ADGRF5: variants seen among roughly 807,000 people sequenced by gnomAD.
ADGRF5 encodes G-protein coupled receptor 116.
Under a neutral mutation model 132.3 loss-of-function variants are expected in ADGRF5, and 75 were observed. That is an observed-to-expected ratio of 0.57 (90% CI 0.47 to 0.69). ADGRF5 has a LOEUF of 0.69. Among genes scored for constraint, ADGRF5 ranks in the 30% least tolerant of loss-of-function variants. The pLI, the probability that ADGRF5 is intolerant of heterozygous loss-of-function variation, is 0.00. For missense variants in ADGRF5, 1,516 were observed against 1,630.6 expected (o/e 0.93, Z 1.21); for synonymous variants, 629 against 597.6 (o/e 1.05, Z -0.77).
At position 46,862,987 on chromosome 6, in the gene ADGRF5, A is replaced by G. The variant is rs780203286; in HGVS notation, c.2100T>C (p.Ile700=). Residue 700 remains isoleucine (I), a synonymous_variant, in exon 15 of 21, where the codon ATT becomes ATC. Coordinates refer to ENST00000283296, the MANE Select transcript of ADGRF5 (RefSeq NM_001098518.2). ...CACATTTGTAAGTGATGGTCCCGCC[A>G]ATGGGACTCTCAGGGCTGCTGGGAA... ...SNVPSSPESP[I]GGTITYKCVG... 7 of 1,613,280 alleles carry G rather than the reference A, an allele frequency of 4.3e-6. No homozygotes were observed. Among genetic ancestry groups the G allele is most frequent in the Middle Eastern group, 1.6e-4 (1 of 6,080 alleles).
chr6:46,920,870 T>C (rs1162271797), intron 1 of ADGRF5, among the ~76,000 whole-genome samples: 1 of 151,812 alleles, frequency 6.6e-6, no homozygotes, highest in East Asian at 1.9e-4. Context: ...CTCAAAAAAA[T>C]AAAAATAAAA....
At chr6:46,909,122 T>C (rs1775682930) in intron 1 of ADGRF5, 1 of 151,766 alleles carries the variant, frequency 6.6e-6, no homozygotes, top group African/African-American at 2.4e-5. Flanking sequence ...ACTTGGCCAA[T>C]GTGGGGGAAA....
At chr6:46,910,802 C>T (rs1032344170) in intron 1 of ADGRF5, among the ~76,000 whole-genome samples, 9 of 152,162 alleles carry the variant, frequency 5.9e-5, no homozygotes, top group African/African-American at 9.7e-5. Flanking sequence ...CACTAATTAG[C>T]TGTGTGATGT....
chr6:46,943,274 A>T (rs975996601), intron 1 of ADGRF5, among the ~76,000 whole-genome samples: 5 of 152,208 alleles, frequency 3.3e-5, no homozygotes, highest in African/African-American at 7.2e-5. Flanking sequence ...CTGAGGTTCG[A>T]TCTACAGTCA....
Position 46,884,160 on chromosome 6 carries a change from G to C in ADGRF5, c.440C>G (p.Pro147Arg), listed in dbSNP as rs1405255660. The C allele has an allele frequency of 6.2e-7, 1 of 1,614,096 alleles. No individual in the cohort carries two copies. The highest frequency in any genetic ancestry group is 1.1e-5 in the South Asian group (1 of 91,084). Residue 147 changes from proline to arginine, a missense_variant, in exon 5 of 21, where the codon CCA becomes CGA. Around this residue, in one of 2 missense-constraint regions of ADGRF5, gnomAD observed 945 missense variants for 929.4 expected, o/e 1.02. Coordinates refer to ENST00000283296, the MANE Select transcript of ADGRF5 (RefSeq NM_001098518.2). ...TTTAAGGCAACTGCAATGGTGCCCT[G>C]GGAGGAAGACGTCACGCTCTTGACA... ...LICQERDVFL[P>R]GHHCSCLKEL...
chr6:46,863,738 T>G (rs778647461), intron 14 of ADGRF5, among the ~76,000 whole-genome samples: 10 of 152,184 alleles, frequency 6.6e-5, no homozygotes, highest in Admixed American at 3.3e-4. Context: ...TCTTTAACAT[T>G]AAGATCTTAA....
At position 46,858,377 on chromosome 6, in the gene ADGRF5, C is replaced by T. The variant is rs573068708; in HGVS notation, c.3526G>A (p.Ala1176Thr). 29 of 1,613,940 alleles carry T rather than the reference C, an allele frequency of 1.8e-5. 1 individual carries two copies. Among genetic ancestry groups the T allele is most frequent in the Middle Eastern group, 1.7e-4 (1 of 6,058 alleles). ...ACCACAATGATCAGTGCTGGGATGG[C>T]GAAAGCCAGCAGGGCCTTGGTGTCC... ...WEDTKALLAF[A>T]IPALIIVVVN... is the part of the protein sequence containing the mutation. Residue 1176 changes from alanine to threonine, a missense_variant, in exon 17 of 21, where the codon GCC becomes ACC. Around this residue, in one of 2 missense-constraint regions of ADGRF5, gnomAD observed 571 missense variants for 701.2 expected, o/e 0.81. Transcript: ENST00000283296.
intron 1 of ADGRF5, 80 bp from the exon 2 acceptor site, chr6:46,906,866 A>G (rs2150897710): frequency 1.4e-6 from 1 of 727,260 alleles, no homozygotes; most frequent in Non-Finnish European, 2.5e-6. Flanking sequence ...GCCCTGTCTT[A>G]AAGGTCATCC....
chr6:46,902,175 C>G (rs1394977774), intron 2 of ADGRF5, among the ~76,000 whole-genome samples: 3 of 152,238 alleles, frequency 2.0e-5, no homozygotes, highest in African/African-American at 7.2e-5. Flanking sequence ...CCCAGCTTCC[C>G]TTGGAGAATG....
At chr6:46,882,591 T>C (rs1223967323) in intron 6 of ADGRF5, among the ~76,000 whole-genome samples, 1 of 152,194 alleles carries the variant, frequency 6.6e-6, no homozygotes, top group Admixed American at 6.5e-5. Flanking sequence ...TTACATGACC[T>C]GTAGTTGGAG....
At chr6:46,906,068 A>C (rs1364144860) in intron 2 of ADGRF5, among the ~76,000 whole-genome samples, 2 of 152,216 alleles carry the variant, frequency 1.3e-5, no homozygotes, top group African/African-American at 2.4e-5. Context: ...CCCATAAGGA[A>C]TAAGGGGGTA....
intron 10 of ADGRF5, among the ~76,000 whole-genome samples, chr6:46,874,171 C>T (rs958048982): frequency 5.8e-4 from 88 of 152,196 alleles, no homozygotes; most frequent in Non-Finnish European, 1.5e-5. Flanking sequence ...AGTAAAATCC[C>T]TCTTAGCCTG....
chr6:46,931,978 C>G (rs1777576882), intron 1 of ADGRF5, among the ~76,000 whole-genome samples: 1 of 152,100 alleles, frequency 6.6e-6, no homozygotes, highest in Non-Finnish European at 1.5e-5. Context: ...TTGCCATAAA[C>G]CTCTTTGTAC....
intron 10 of ADGRF5, among the ~76,000 whole-genome samples, chr6:46,874,262 C>T (rs1187667723): frequency 6.6e-6 from 1 of 152,142 alleles, no homozygotes; most frequent in Non-Finnish European, 1.5e-5. Context: ...AAAATTAGAT[C>T]ATCTCCTGGG....
chr6:46,913,933 ACAGC>A (rs1320456416), intron 1 of ADGRF5, among the ~76,000 whole-genome samples: 2 of 152,276 alleles, frequency 1.3e-5, no homozygotes, highest in African/African-American at 4.8e-5. Flanking sequence ...ACCTTTGAAA[ACAGC>A]CAACGGCATA....
chr6:46,879,937 T>C lies in ADGRF5; in HGVS notation c.917A>G (p.Tyr306Cys), dbSNP rs1204617443. 1.2e-6 allele frequency: 2 copies of C among 1,613,976 alleles called. No individual in the cohort carries two copies. The highest frequency in any genetic ancestry group is 1.7e-6 in the Non-Finnish European group (2 of 1,179,852). The change falls in exon 9 of 21, where the codon TAT (tyrosine) becomes TGT (cysteine). Residue 306 changes from tyrosine to cysteine, a missense_variant. Around this residue, in one of 2 missense-constraint regions of ADGRF5, gnomAD observed 945 missense variants for 929.4 expected, o/e 1.02. Coordinates refer to ENST00000283296, the MANE Select transcript of ADGRF5 (RefSeq NM_001098518.2). ...EVLSSNVSWR[Y>C]EEQQLEIQNS... is the part of the protein sequence containing the mutation. ...CTGGATTTCCAACTGCTGTTCTTCA[T>C]AGCGCCAAGACACATTGGAGGACAA...
At chr6:46,893,852 C>T (rs983229664) in intron 3 of ADGRF5, among the ~76,000 whole-genome samples, 3 of 152,202 alleles carry the variant, frequency 2.0e-5, no homozygotes, top group Admixed American at 1.3e-4. Flanking sequence ...TTTCCCCTCT[C>T]CTTTCCCATA....
rs192240676 is a variant in ADGRF5, at chr6:46,889,213, T to G, written c.158-708A>C. On this transcript the variant is annotated intron_variant, in intron 3 of 20. Coordinates refer to ENST00000283296, the MANE Select transcript of ADGRF5 (RefSeq NM_001098518.2). ...TATATATATATATATATAAAATATA[T>G]AGAGAGAGTATATATAGTATATACA... 2.6e-3 allele frequency among the ~76,000 whole-genome samples: 380 copies of G among 146,542 alleles called. 4 individuals are homozygous for G. Among genetic ancestry groups the G allele is most frequent in the African/African-American group, 8.0e-3 (321 of 40,230 alleles).
rs372969208 is a variant in ADGRF5, at chr6:46,928,777, C to A, written c.-24-21991G>T. On this transcript the variant is annotated intron_variant, in intron 1 of 20. Coordinates refer to the ADGRF5 transcript ENST00000265417. ...CACTGGCCATCAGAGAAATGCAAAT[C>A]AAAACCACAATGAGATACCATCTCA... Among the ~76,000 whole-genome samples, 486 of 152,218 alleles carry A rather than the reference C, an allele frequency of 3.2e-3. 3 individuals carry two copies. The highest frequency in any genetic ancestry group is 0.02 in the Middle Eastern group (6 of 294).
Sources: gnomAD v4.1 joint callset for allele counts (sites outside exome capture counted in the v4.1 genomes callset) on GRCh38, gnomAD v4.1.1 for gene constraint, gnomAD v4.1.1 regional missense constraint, MANE v1.5 for transcripts, NCBI Gene and HGNC (gene_info 2026-07-23, HGNC 2026-07-21) for gene names.